CDKL5: variants seen among roughly 807,000 people sequenced by gnomAD.
CDKL5 encodes cyclin dependent kinase like 5.
Under a neutral mutation model 61.7 loss-of-function variants are expected in CDKL5, and 8 were observed. The observed-to-expected ratio is 0.13, with a 90% CI of 0.08 to 0.23. The LOEUF is 0.23. Ranked by LOEUF, CDKL5 falls within the 10% of genes least tolerant of loss-of-function variation. CDKL5 has a pLI of 1.00. For synonymous variants in CDKL5, 275 were observed against 272.3 expected (o/e 1.01, Z -0.10); for missense variants, 440 against 734.5 (o/e 0.60, Z 4.63).
intron 3 of CDKL5, among the ~76,000 whole-genome samples, chrX:18,560,190 T>C (rs1924752043): frequency 9.0e-6 from 1 of 111,549 alleles, no homozygotes; most frequent in African/African-American, 3.3e-5. Flanking sequence ...TAGTTCTAGA[T>C]CCCTAAGGAA....
At position 18,547,266 on chromosome X, in the gene CDKL5, A is replaced by G. The variant is rs1330196986; in HGVS notation, c.100-17211A>G. Among the ~76,000 whole-genome samples, 10 of 112,355 alleles carry G rather than the reference A, an allele frequency of 8.9e-5. No individual in the cohort carries two copies. The East Asian group carries it at 2.8e-3, about 31-fold the overall frequency. ...CTAACTGCAAATGATTAGGTGTGAC[A>G]TGAGCAAGGGAGCTTTTCCTTACAA... On this transcript the variant is annotated intron_variant, in intron 3 of 17. Coordinates refer to ENST00000623535, the MANE Select transcript of CDKL5 (RefSeq NM_001323289.2).
downstream of CDKL5, chrX:18,644,432 G>A (rs1927693712): frequency 2.5e-6 from 3 of 1,209,000 alleles, no homozygotes; most frequent in Non-Finnish European, 2.2e-6. Context: ...CAACTTACCC[G>A]GTTGTTTCCA....
Position 18,630,650 on chromosome X carries a change from T to TA in CDKL5, c.*1894dup. On this transcript the variant is annotated 3_prime_UTR_variant, in exon 18 of 18. Transcript: ENST00000623535. The stretch of plus-strand genomic sequence containing the variant: ...TAAATACTATAATGTGTATTGATTA[T>TA]ATAGATAGGTCATTTTAAGGTGCTT... 2 of 734,551 alleles carry TA rather than the reference T, an allele frequency of 2.7e-6. No individual in the cohort carries two copies. The highest frequency in any genetic ancestry group is 3.2e-6 in the Non-Finnish European group (2 of 621,703). 60.5% of individuals were successfully genotyped at this position (734,551 alleles called of 1,213,427 possible).
intron 4 of CDKL5, among the ~76,000 whole-genome samples, chrX:18,572,517 C>T (rs1925166335): frequency 1.8e-5 from 2 of 111,810 alleles, no homozygotes; most frequent in Admixed American, 9.5e-5. Context: ...GTTCTGTATC[C>T]TCCATCATTT....
Position 18,543,447 on chromosome X carries a change from C to G in CDKL5, c.100-21030C>G, listed in dbSNP as rs745978074. Reference sequence around the variant, plus strand: ...GTGTGCCATCTTCTTTCCATCTTGGCTTCCTATGTACGTTTTTGTGTCACG... The same window carrying G: ...GTGTGCCATCTTCTTTCCATCTTGGGTTCCTATGTACGTTTTTGTGTCACG... On this transcript the variant is annotated intron_variant, in intron 3 of 17. Coordinates refer to ENST00000623535, the MANE Select transcript of CDKL5 (RefSeq NM_001323289.2). Among the ~76,000 whole-genome samples the G allele has an allele frequency of 5.4e-5, 6 of 110,424 alleles. No individual in the cohort carries two copies. The East Asian group carries it at 1.7e-3, about 32-fold the overall frequency.
intron 3 of CDKL5, among the ~76,000 whole-genome samples, chrX:18,536,900 A>G (rs1350093014): frequency 9.0e-6 from 1 of 111,408 alleles, no homozygotes; most frequent in East Asian, 2.8e-4. Context: ...TGCAGTGACT[A>G]CATTACAGAA....
chrX:18,494,170 C>T (rs2147082253), intron 1 of CDKL5, among the ~76,000 whole-genome samples: 1 of 112,525 alleles, frequency 8.9e-6, no homozygotes, highest in East Asian at 2.8e-4. Context: ...CCTGCCTCAG[C>T]GTCCCAAAGT....
intron 1 of CDKL5, among the ~76,000 whole-genome samples, chrX:18,500,863 G>A (rs190763754): frequency 5.4e-5 from 6 of 110,231 alleles, no homozygotes; most frequent in East Asian, 2.8e-4. Context: ...TTTTGAGACC[G>A]ACTCTCCTTC....
rs765450994 is a variant in CDKL5, at chrX:18,608,987, C to T, written c.2046+75C>T. On this transcript the variant is annotated intron_variant, in intron 13 of 17. Transcript: ENST00000623535. ...GCCTAGCTTTTAAAATGTATTAATACCCAGTCTCCCACAAATAAGTTGAAG... is the reference window on the plus strand; with the variant it reads ...GCCTAGCTTTTAAAATGTATTAATATCCAGTCTCCCACAAATAAGTTGAAG... 364 of 679,150 alleles carry T rather than the reference C, an allele frequency of 5.4e-4. 1 individual carries two copies. The highest frequency in any genetic ancestry group is 7.4e-4 in the Non-Finnish European group (312 of 420,952). The allele number at this position is 679,150 out of a possible 1,213,427, so 56.0% of individuals were successfully genotyped here.
At chrX:18,543,154 T>C (rs1227065740) in intron 3 of CDKL5, among the ~76,000 whole-genome samples, 1 of 110,314 alleles carries the variant, frequency 9.1e-6, no homozygotes, top group African/African-American at 3.3e-5. Flanking sequence ...GCTGCAGTTT[T>C]TCCATTGCTG....
At chrX:18,643,472 T>G (rs768334662), downstream of CDKL5, among the ~76,000 whole-genome samples, 6 of 112,389 alleles carry the variant, frequency 5.3e-5, no homozygotes, top group Admixed American at 9.5e-5. Context: ...ATTGCACAAG[T>G]GCAGGGGTGA....
chrX:18,625,253 T>C lies in CDKL5; in HGVS notation c.2496+6T>C. ...TCTCAGATCTGCAGACCCAAGTGAG[T>C]GGATCCTGCACCACTGCTAGACTCT... On this transcript the variant is annotated splice_donor_region_variant and intron_variant, in intron 17 of 17. Coordinates refer to ENST00000623535, the MANE Select transcript of CDKL5 (RefSeq NM_001323289.2). 8.3e-7 allele frequency: 1 copy of C among 1,204,766 alleles called. No individual in the cohort carries two copies. The highest frequency in any genetic ancestry group is 1.1e-6 in the Non-Finnish European group (1 of 893,188).
At position 18,610,200 on chromosome X, in the gene CDKL5, G is replaced by A. The variant is rs5955628; in HGVS notation, c.2152+630G>A. On this transcript the variant is annotated intron_variant, in intron 14 of 17. Coordinates refer to ENST00000623535, the MANE Select transcript of CDKL5 (RefSeq NM_001323289.2). ...CCAGACTTCCCATGATCTGGCCCTT[G>A]CCATGCTCTCCAGCCACTTTCTCCC... Among the ~76,000 whole-genome samples, 849 of 110,478 alleles carry A rather than the reference G, an allele frequency of 7.7e-3. 2 individuals are homozygous for A. Among genetic ancestry groups the A allele is most frequent in the Non-Finnish European group, 0.013 (695 of 52,749 alleles).
intron 21 of CDKL5, among the ~76,000 whole-genome samples, chrX:18,650,876 A>G (rs1333652416): frequency 8.9e-6 from 1 of 112,342 alleles, no homozygotes; most frequent in Non-Finnish European, 1.9e-5. Flanking sequence ...AAATGGGGGC[A>G]TGATGTAGTA....
At chrX:18,480,662 A>G (rs991123287) in intron 1 of CDKL5, among the ~76,000 whole-genome samples, 2 of 111,284 alleles carry the variant, frequency 1.8e-5, no homozygotes, top group African/African-American at 3.3e-5. Context: ...TTAAAAAATC[A>G]TTATGGACTC....
rs766919615 is a variant in CDKL5 at position 18,630,638 on chromosome X, G to A, written c.*1881G>A. The A allele has an allele frequency of 1.1e-5, 8 of 725,531 alleles. No homozygotes were observed. The highest frequency in any genetic ancestry group is 1.3e-5 in the Non-Finnish European group (8 of 613,740). 59.8% of individuals were successfully genotyped at this position (725,531 alleles called of 1,213,427 possible). A position where few individuals can be genotyped will look rare whatever the true frequency, so the allele number is the denominator to read the frequency against. ...TGCATTTTTATATAAATACTATAAT[G>A]TGTATTGATTATATAGATAGGTCAT... On this transcript the variant is annotated 3_prime_UTR_variant, in exon 18 of 18. Transcript: ENST00000623535.
At chrX:18,479,258 T>G (rs1222440727) in intron 1 of CDKL5, among the ~76,000 whole-genome samples, 1 of 110,822 alleles carries the variant, frequency 9.0e-6, no homozygotes, top group Non-Finnish European at 1.9e-5. Context: ...GTTGAGTTTC[T>G]TGGATATGTA....
chrX:18,609,713 A>C, intron 14 of CDKL5, 143 bp downstream of exon 14: 2 of 1,045,862 alleles, frequency 1.9e-6, no homozygotes, highest in Non-Finnish European at 2.5e-6. Flanking sequence ...TGCTCCTGCT[A>C]AGTCAGGCCC....
rs987327583 is a variant in CDKL5 at position 18,637,877 on chromosome X, C to G, written c.*9120C>G. The G allele has an allele frequency of 8.9e-6, 1 of 112,306 alleles. No individual in the cohort carries two copies. Among genetic ancestry groups the G allele is most frequent in the Non-Finnish European group, 1.9e-5 (1 of 53,292 alleles). The allele number at this position is 112,306 out of a possible 1,213,427, so 9.3% of individuals were successfully genotyped here. On this transcript the variant is annotated 3_prime_UTR_variant, in exon 18 of 18. Transcript: ENST00000623535. Reference sequence around the variant, plus strand: ...AAATTGAGAAGGAATGTCACTGAATCTTTAATGCCAGTTACACAGAGCTCA... The same window carrying G: ...AAATTGAGAAGGAATGTCACTGAATGTTTAATGCCAGTTACACAGAGCTCA...
Sources: gnomAD v4.1 joint callset for allele counts (sites outside exome capture counted in the v4.1 genomes callset) on GRCh38, gnomAD v4.1.1 for gene constraint, MANE v1.5 for transcripts, NCBI Gene and HGNC (gene_info 2026-07-23, HGNC 2026-07-21) for gene names.